The following PCDHGA2 variants were observed in gnomAD, a reference collection of about 807,000 sequenced individuals.
The protein encoded by PCDHGA2 is protocadherin gamma subfamily A, 2.
In PCDHGA2, 40 loss-of-function variants were observed where a neutral mutation model predicts 59.2. The observed-to-expected ratio is 0.68, with a 90% CI of 0.52 to 0.88. PCDHGA2 has a LOEUF of 0.88. PCDHGA2 is among the 40% of genes least tolerant of loss of function. PCDHGA2 has a pLI of 0.00. For synonymous variants in PCDHGA2, 560 were observed against 526.0 expected, an observed-to-expected ratio of 1.06 and a Z score of -0.89; for missense variants, 1,226 against 1,204.0, an observed-to-expected ratio of 1.02 and a Z score of -0.27.
At chr5:141,437,013 A>G (rs570721163) in intron 1 of PCDHGA2, among the ~76,000 whole-genome samples, 146 of 152,354 alleles carry the variant, frequency 9.6e-4, no homozygotes, top group Non-Finnish European at 1.2e-3. Flanking sequence ...ATCTTAGATA[A>G]TTTCACCAGA....
chr5:141,411,192 G>C (rs2095472836), intron 1 of PCDHGA2: 1 of 152,098 alleles, frequency 6.6e-6, no homozygotes, highest in African/African-American at 2.4e-5. Flanking sequence ...TGGCATCTAA[G>C]AAAACAAACA....
Position 141,491,458 on chromosome 5 carries a change from G to C in PCDHGA2, c.2425-3349G>C. 1 of 1,614,092 alleles carries C rather than the reference G, an allele frequency of 6.2e-7. No individual in the cohort carries two copies. The highest frequency in any genetic ancestry group is 8.5e-7 in the Non-Finnish European group (1 of 1,180,022). On this transcript the variant is annotated intron_variant, in intron 1 of 3. Coordinates refer to ENST00000394576, the MANE Select transcript of PCDHGA2 (RefSeq NM_018915.4). The surrounding 1 kb of genome is among the most constrained non-coding windows in gnomAD (Gnocchi z 6.9). Reference sequence around the variant, plus strand: ...CAGGCGCCAGGACTCACCCTCCCCGGACTTCTATAAGCAGTCCAGCCCCAA... The same window carrying C: ...CAGGCGCCAGGACTCACCCTCCCCGCACTTCTATAAGCAGTCCAGCCCCAA...
rs766779419 is a variant in PCDHGA2, at chr5:141,389,386, C to G, written c.2424+47991C>G. On this transcript the variant is annotated intron_variant, in intron 1 of 3. Transcript: ENST00000394576. ...GACCTGGAGCAGCGGGAGCTGTCAT[C>G]CTACGTGTCCATAAGCGCGGAGAGC... The G allele has an allele frequency of 1.1e-5, 17 of 1,613,620 alleles. No homozygotes were observed. The highest frequency in any genetic ancestry group is 6.7e-5 in the African/African-American group (5 of 74,960).
intron 1 of PCDHGA2, among the ~76,000 whole-genome samples, chr5:141,343,607 T>C (rs3806837): frequency 0.16 from 24,298 of 152,222 alleles, 2,432 homozygotes; most frequent in African/African-American, 0.29. Context: ...TTAAGGTTAG[T>C]GCATGGATTC....
chr5:141,403,109 G>T, intron 1 of PCDHGA2: 2 of 1,614,074 alleles, frequency 1.2e-6, no homozygotes, highest in Non-Finnish European at 1.7e-6. Flanking sequence ...CAAGGACCTG[G>T]CTCTGGAGCC....
chr5:141,491,876 A>G lies in PCDHGA2; in HGVS notation c.2425-2931A>G. ...TTGCGCGAAACCAGAGTGGCCGATT[A>G]AGGGATGGGGCTCCGAGCACCGGGG... On this transcript the variant is annotated intron_variant, in intron 1 of 3. Coordinates refer to ENST00000394576, the MANE Select transcript of PCDHGA2 (RefSeq NM_018915.4). The surrounding 1 kb of genome is among the most constrained non-coding windows in gnomAD (Gnocchi z 6.9). 2.1e-6 allele frequency: 3 copies of G among 1,450,326 alleles called. No individual in the cohort carries two copies. Among genetic ancestry groups the G allele is most frequent in the Non-Finnish European group, 1.8e-6 (2 of 1,097,472 alleles). 89.8% of individuals were successfully genotyped at this position (1,450,326 alleles called of 1,614,324 possible).
chr5:141,404,917 G>A (rs750464541), intron 1 of PCDHGA2: 37 of 1,613,652 alleles, frequency 2.3e-5, no homozygotes, highest in Middle Eastern at 3.3e-4. Flanking sequence ...CCCCTCTCTC[G>A]GCCACTGTCA....
intron 1 of PCDHGA2, chr5:141,395,454 C>T (rs75588357): frequency 0.043 from 25,805 of 605,332 alleles, 669 homozygotes; most frequent in South Asian, 0.075. Flanking sequence ...ATTGTTCAAC[C>T]ATTTTAAGCC....
intron 1 of PCDHGA2, among the ~76,000 whole-genome samples, chr5:141,460,304 A>T (rs769422296): frequency 2.6e-5 from 4 of 152,144 alleles, no homozygotes; most frequent in Admixed American, 6.5e-5. Flanking sequence ...TCCTATTCAA[A>T]AACTCCTTGC....
At chr5:141,346,488 A>C (rs201709248) in intron 1 of PCDHGA2, 105 of 1,612,830 alleles carry the variant, frequency 6.5e-5, no homozygotes, top group Admixed American at 1.8e-4. Context: ...GATTATTAAG[A>C]ACAAATATGA....
intron 1 of PCDHGA2, among the ~76,000 whole-genome samples, chr5:141,472,224 A>G (rs570743680): frequency 1.4e-4 from 21 of 152,330 alleles, no homozygotes; most frequent in African/African-American, 4.1e-4. Context: ...TCTCGATCAT[A>G]TAATACATTC....
At chr5:141,401,721 C>T (rs2094186897) in intron 1 of PCDHGA2, among the ~76,000 whole-genome samples, 1 of 152,142 alleles carries the variant, frequency 6.6e-6, no homozygotes, top group Non-Finnish European at 1.5e-5. Flanking sequence ...AAGACAAAAA[C>T]TACTAGTCTT....
intron 1 of PCDHGA2, among the ~76,000 whole-genome samples, chr5:141,433,789 A>G (rs1388423731): frequency 6.7e-6 from 1 of 148,972 alleles, no homozygotes; most frequent in Non-Finnish European, 1.5e-5. Flanking sequence ...ATGAGCTGAG[A>G]TTGTGCCATT....
chr5:141,474,291 AGT>A (rs1191263215), intron 1 of PCDHGA2, among the ~76,000 whole-genome samples: 1 of 152,210 alleles, frequency 6.6e-6, no homozygotes, highest in Admixed American at 6.5e-5. Flanking sequence ...CCACTAGATC[AGT>A]GCTTGTCAAA....
At chr5:141,434,199 T>G (rs1406339464) in intron 1 of PCDHGA2, among the ~76,000 whole-genome samples, 1 of 151,914 alleles carries the variant, frequency 6.6e-6, no homozygotes, top group Non-Finnish European at 1.5e-5. Context: ...CCAATGTACT[T>G]ACTTCTGTCA....
At chr5:141,376,521 C>T (rs567480751) in intron 1 of PCDHGA2, 5 of 1,613,810 alleles carry the variant, frequency 3.1e-6, no homozygotes, top group East Asian at 4.5e-5. Context: ...AGTTTCTTTC[C>T]GCCTAAGCGG....
At chr5:141,362,729 T>G in intron 1 of PCDHGA2, 1 of 807,602 alleles carries the variant, frequency 1.2e-6, no homozygotes, top group Non-Finnish European at 1.9e-6. Context: ...AAGTGTGAGA[T>G]TTATTTACCC....
chr5:141,462,818 C>T (rs1280335120), intron 1 of PCDHGA2, among the ~76,000 whole-genome samples: 1 of 152,120 alleles, frequency 6.6e-6, no homozygotes, highest in East Asian at 1.9e-4. Flanking sequence ...TTTTATTGGA[C>T]AGCAGACATT....
At chr5:141,370,568 G>C in intron 1 of PCDHGA2, 1 of 1,613,930 alleles carries the variant, frequency 6.2e-7, no homozygotes, top group Non-Finnish European at 8.5e-7. Context: ...GGTTTGGCGT[G>C]GGGGATTTAC....
Sources: gnomAD v4.1 joint callset for allele counts (sites outside exome capture counted in the v4.1 genomes callset) on GRCh38, gnomAD v4.1.1 for gene constraint, Gnocchi (gnomAD v3.1) non-coding constraint, MANE v1.5 for transcripts, NCBI Gene and HGNC (gene_info 2026-07-23, HGNC 2026-07-21) for gene names.